The following RPS6KA2 variants were observed in gnomAD, a reference collection of about 807,000 sequenced individuals.
The protein encoded by RPS6KA2 is ribosomal protein S6 kinase alpha-2.
RPS6KA2 carries 42 observed loss-of-function variants against 91.8 expected under a neutral mutation model. The ratio of observed to expected loss-of-function variants is 0.46; its 90% confidence interval spans 0.36 to 0.59. The LOEUF is 0.59. Among genes scored for constraint, RPS6KA2 ranks in the 20% least tolerant of loss-of-function variants. The probability of loss-of-function intolerance (pLI) is 0.00; values close to 1 mark genes in which losing one functional copy is unlikely to be tolerated. For missense variants in RPS6KA2, 798 were observed against 978.5 expected (o/e 0.82, Z 2.46); for synonymous variants, 414 against 393.6 (o/e 1.05, Z -0.61).
chr6:166,451,414 T>C (rs1779914819), intron 12 of RPS6KA2, among the ~76,000 whole-genome samples, 181 bp from the exon 13 acceptor site: 1 of 151,012 alleles, frequency 6.6e-6, no homozygotes, highest in Admixed American at 6.7e-5. Context: ...GTAGAAATGC[T>C]GAACCAGATG....
chr6:166,581,183 G>A (rs1182548760), intron 1 of RPS6KA2, among the ~76,000 whole-genome samples: 3 of 152,148 alleles, frequency 2.0e-5, no homozygotes, highest in African/African-American at 4.8e-5. Context: ...GAGCCACTGT[G>A]TCTGGCCAGG....
chr6:166,517,585 C>G (rs1237589285), intron 3 of RPS6KA2, among the ~76,000 whole-genome samples: 3 of 149,970 alleles, frequency 2.0e-5, no homozygotes. Context: ...ACGCCATTCT[C>G]CTGCCTCAGC....
intron 14 of RPS6KA2, among the ~76,000 whole-genome samples, chr6:166,439,128 A>G (rs982675120): frequency 1.5e-5 from 2 of 137,450 alleles, no homozygotes; most frequent in Non-Finnish European, 3.3e-5. Context: ...TAATTATTTG[A>G]GATGGAGTCT....
intron 1 of RPS6KA2, chr6:166,586,340 T>C: frequency 6.3e-7 from 1 of 1,599,574 alleles, no homozygotes; most frequent in Non-Finnish European, 8.5e-7. Context: ...TCCCACCAGC[T>C]CTGCTATTCC....
At chr6:166,550,163 C>T (rs1415114613) in intron 1 of RPS6KA2, among the ~76,000 whole-genome samples, 2 of 152,106 alleles carry the variant, frequency 1.3e-5, no homozygotes, top group Non-Finnish European at 2.9e-5. Context: ...GATTAATTTT[C>T]TCCCCTTTGT....
chr6:166,428,103 G>A, intron 16 of RPS6KA2, among the ~76,000 whole-genome samples: 1 of 151,890 alleles, frequency 6.6e-6, no homozygotes, highest in Non-Finnish European at 1.5e-5. Flanking sequence ...TACCAAAACA[G>A]AGATATAGAT....
rs1778317109 is a variant in RPS6KA2 at position 166,411,896 on chromosome 6, C to A, written c.*866G>T. The A allele has an allele frequency of 6.6e-6, 1 of 152,334 alleles. No homozygotes were observed. The highest frequency in any genetic ancestry group is 2.4e-5 in the African/African-American group (1 of 41,456). 9.4% of individuals were successfully genotyped at this position (152,334 alleles called of 1,614,324 possible). A position where few individuals can be genotyped will look rare whatever the true frequency, so the allele number is the denominator to read the frequency against. ...TTTAGGTGAGCACACAGGAAGCCGACACAGGGCTGAGCAGGTGCGAGAACC... is the reference window on the plus strand; with the variant it reads ...TTTAGGTGAGCACACAGGAAGCCGAAACAGGGCTGAGCAGGTGCGAGAACC... On this transcript the variant is annotated 3_prime_UTR_variant, in exon 21 of 21. Coordinates refer to ENST00000265678, the MANE Select transcript of RPS6KA2 (RefSeq NM_021135.6). The surrounding 1 kb of genome is among the most constrained non-coding windows in gnomAD (Gnocchi z 4.5).
At chr6:166,479,985 A>G (rs1044026927) in intron 10 of RPS6KA2, among the ~76,000 whole-genome samples, 3 of 149,664 alleles carry the variant, frequency 2.0e-5, no homozygotes, top group Non-Finnish European at 4.5e-5. Flanking sequence ...TGTGTAGACG[A>G]CGGTAATTCA....
Position 166,639,238 on chromosome 6 carries a change from C to T in RPS6KA2, c.124-100454G>A, listed in dbSNP as rs1181351172. Among the ~76,000 whole-genome samples, 2 of 152,180 alleles carry T rather than the reference C, an allele frequency of 1.3e-5. No individual in the cohort carries two copies. The highest frequency in any genetic ancestry group is 4.8e-5 in the African/African-American group (2 of 41,446). ...GTCTTATGCAAGGCATAACCATGTG[C>T]CCCGCTGCCCAAACCAGAAGGTAAG... On this transcript the variant is annotated intron_variant, in intron 2 of 21. Transcript: ENST00000503859. The surrounding 1 kb of genome is among the most constrained non-coding windows in gnomAD (Gnocchi z 4.2).
Position 166,770,783 on chromosome 6 carries a change from A to G in RPS6KA2, c.123+87417T>C. On this transcript the variant is annotated intron_variant, in intron 2 of 21. Coordinates refer to the RPS6KA2 transcript ENST00000503859. This position sits in a 1 kb window ranked among gnomAD's most constrained non-coding sequence, Gnocchi z 5.1. The stretch of plus-strand genomic sequence containing the variant: ...CGTGAAACAACTCAATAAATTGAAA[A>G]AGACTTCATGTTTAACTTAAAAAAA... 7.3e-7 allele frequency: 1 copy of G among 1,363,866 alleles called. No individual in the cohort carries two copies. The allele number at this position is 1,363,866 out of a possible 1,614,324, so 84.5% of individuals were successfully genotyped here.
intron 1 of RPS6KA2, chr6:166,544,692 G>A (rs1194080018): frequency 6.6e-6 from 1 of 152,212 alleles, no homozygotes; most frequent in East Asian, 1.9e-4. Flanking sequence ...AGGACGTTTA[G>A]AGTGGTAACG....
intron 13 of RPS6KA2, among the ~76,000 whole-genome samples, chr6:166,449,675 G>T (rs1331953175): frequency 6.6e-6 from 1 of 152,152 alleles, no homozygotes; most frequent in Non-Finnish European, 1.5e-5. Context: ...ACACCATGGT[G>T]ACATTCTTCC....
In RPS6KA2 at chr6:166,710,485, AGTGTGT is replaced by A. The variant is rs66993073; in HGVS notation, c.123+147709_123+147714del. Among the ~76,000 whole-genome samples, 574 of 149,554 alleles carry A rather than the reference AGTGTGT, an allele frequency of 3.8e-3. 7 individuals are homozygous for A. The highest frequency in any genetic ancestry group is 0.035 in the East Asian group (181 of 5,106). On this transcript the variant is annotated intron_variant, in intron 2 of 21. Transcript: ENST00000503859. ...ATATGTGTATGGTATGTGTTGTGTG[AGTGTGT>A]GTGTGTGTGTGTGTGTGTGGTGTGT...
Position 166,533,620 on chromosome 6 carries a change from G to A in RPS6KA2, c.217-2307C>T, listed in dbSNP as rs1345627764. 2.0e-5 allele frequency among the ~76,000 whole-genome samples: 3 copies of A among 152,322 alleles called. No individual in the cohort carries two copies. The highest frequency in any genetic ancestry group is 4.8e-5 in the African/African-American group (2 of 41,564). On this transcript the variant is annotated intron_variant, in intron 2 of 20. Coordinates refer to ENST00000265678, the MANE Select transcript of RPS6KA2 (RefSeq NM_021135.6). The surrounding 1 kb of genome is among the most constrained non-coding windows in gnomAD (Gnocchi z 4.0). The stretch of plus-strand genomic sequence containing the variant: ...CCTGCTGTGGCAACTGAGGACACCT[G>A]GTGCAGGACAAACCGGGCAGCCTGG...
chr6:166,739,426 C>A (rs1357500953), intron 2 of RPS6KA2, among the ~76,000 whole-genome samples: 1 of 152,196 alleles, frequency 6.6e-6, no homozygotes, highest in Non-Finnish European at 1.5e-5. Context: ...ATTGTGGAAA[C>A]CCTTAAGCCT....
chr6:166,862,217 G>C, exon 1 of RPS6KA2: 6 of 1,613,268 alleles, frequency 3.7e-6, no homozygotes, highest in Non-Finnish European at 5.1e-6. Context: ...AGTAGGAAAG[G>C]AAATAAACAG....
chr6:166,676,317 C>CA (rs34321063), intron 2 of RPS6KA2, among the ~76,000 whole-genome samples: 4,830 of 127,342 alleles, frequency 0.038, 115 homozygotes, highest in Non-Finnish European at 0.055. Flanking sequence ...GACTCTGTCT[C>CA]AAAAAAAAAA....
At chr6:166,618,261 A>C (rs1324673861) in intron 1 of RPS6KA2, among the ~76,000 whole-genome samples, 1 of 152,222 alleles carries the variant, frequency 6.6e-6, no homozygotes, top group Admixed American at 6.5e-5. Flanking sequence ...GCTAGGACTC[A>C]GATGCAGTGA....
intron 2 of RPS6KA2, among the ~76,000 whole-genome samples, chr6:166,693,469 C>T (rs1789268876): frequency 6.6e-6 from 1 of 152,242 alleles, no homozygotes; most frequent in Non-Finnish European, 1.5e-5. Context: ...GCCGTGCACT[C>T]AGGGTCCTGC....
Sources: allele counts gnomAD v4.1 joint callset (sites outside exome capture counted in the v4.1 genomes callset), GRCh38; gene constraint gnomAD v4.1.1; non-coding constraint Gnocchi (gnomAD v3.1); transcripts MANE v1.5; gene names NCBI Gene and HGNC (gene_info 2026-07-23, HGNC 2026-07-21).